WWOX: variants seen among roughly 807,000 people sequenced by gnomAD.
The protein encoded by WWOX is WW domain containing oxidoreductase.
In WWOX, 69 loss-of-function variants were observed where a neutral mutation model predicts 46.2. The observed-to-expected ratio is 1.49, with a 90% CI of 1.23 to 1.82. The LOEUF is 1.82. WWOX is among the 40% of genes most tolerant of loss of function. WWOX has a pLI of 0.00. For missense variants in WWOX, 919 were observed against 542.6 expected (o/e 1.69, Z -6.89); for synonymous variants, 359 against 202.6 (o/e 1.77, Z -6.56).
At chr16:78,443,553 TC>T (rs1219478438) in intron 8 of WWOX, among the ~76,000 whole-genome samples, 1 of 152,228 alleles carries the variant, frequency 6.6e-6, no homozygotes, top group Non-Finnish European at 1.5e-5. Context: ...ATGTATTTTT[TC>T]TGCCTTGCTT....
chr16:78,495,671 G>C (rs2084900248), intron 8 of WWOX, among the ~76,000 whole-genome samples: 1 of 151,620 alleles, frequency 6.6e-6, no homozygotes, highest in Non-Finnish European at 1.5e-5. Flanking sequence ...ACGGCACCTG[G>C]CTAATTTTTG....
intron 5 of WWOX, among the ~76,000 whole-genome samples, chr16:78,367,068 C>G (rs1208951358): frequency 6.7e-6 from 1 of 149,688 alleles, no homozygotes; most frequent in Non-Finnish European, 1.5e-5. Context: ...CAAGCTCTGC[C>G]TCCCAGGTTT....
intron 5 of WWOX, among the ~76,000 whole-genome samples, chr16:78,226,622 C>G (rs1016513304): frequency 1.3e-5 from 2 of 151,506 alleles, no homozygotes; most frequent in African/African-American, 4.9e-5. Context: ...TCTTGTATAG[C>G]TCAGGTCTCA....
At chr16:78,261,790 A>C (rs1364912536) in intron 5 of WWOX, among the ~76,000 whole-genome samples, 2 of 42,182 alleles carry the variant, frequency 4.7e-5, no homozygotes, top group Non-Finnish European at 9.8e-5. Context: ...CTATCTATCT[A>C]TATATATATA....
intron 8 of WWOX, among the ~76,000 whole-genome samples, chr16:78,623,224 C>T (rs765492264): frequency 6.6e-6 from 1 of 152,014 alleles, no homozygotes; most frequent in African/African-American, 2.4e-5. Flanking sequence ...TGGCTTTAAG[C>T]TGTTAAGCTT....
chr16:78,545,707 C>T (rs72803943), intron 8 of WWOX, among the ~76,000 whole-genome samples: 1,672 of 152,274 alleles, frequency 0.011, 18 homozygotes, highest in Non-Finnish European at 0.017. Context: ...GGATATTAAA[C>T]ATTAGAAACT....
intron 5 of WWOX, among the ~76,000 whole-genome samples, chr16:78,386,484 C>A (rs925007553): frequency 1.3e-5 from 2 of 152,100 alleles, no homozygotes; most frequent in East Asian, 3.9e-4. Flanking sequence ...AAGATATTGT[C>A]CATTGCATCT....
chr16:79,016,473 A>C (rs2047415101), intron 8 of WWOX: 1 of 152,100 alleles, frequency 6.6e-6, no homozygotes, highest in Non-Finnish European at 1.5e-5. Context: ...CCTGGGCTAG[A>C]GTGCAGTGGT....
intron 8 of WWOX, among the ~76,000 whole-genome samples, chr16:79,070,268 A>ATGTGTGTGTGTGTGTGTGTGTGTG (rs4035490): frequency 7.6e-5 from 11 of 145,198 alleles, no homozygotes; most frequent in African/African-American, 2.0e-4. Flanking sequence ...TGTGTTTCTG[A>ATGTGTGTGTGTGTGTGTGTGTGTG]TGTGTGTGTG....
chr16:79,068,828 A>G (rs1043476422), intron 8 of WWOX, among the ~76,000 whole-genome samples: 2 of 102,500 alleles, frequency 2.0e-5, no homozygotes, highest in African/African-American at 9.3e-5. Context: ...CCCAATAATA[A>G]TAATAATAAT....
In WWOX at chr16:78,587,853, G is replaced by A. The variant is rs770336745; in HGVS notation, c.1056+155101G>A. 1.7e-3 allele frequency among the ~76,000 whole-genome samples: 259 copies of A among 152,252 alleles called. 2 individuals carry two copies. The highest frequency in any genetic ancestry group is 3.0e-3 in the Non-Finnish European group (207 of 68,012). On this transcript the variant is annotated intron_variant, in intron 8 of 8. Transcript: ENST00000566780. ...TCCCAGTGAATGCCAATTCCTTGCT[G>A]TCAGGAAACATTAAGTTTCCTAAGT...
chr16:78,524,382 G>C (rs973305134), intron 8 of WWOX, among the ~76,000 whole-genome samples: 1 of 146,762 alleles, frequency 6.8e-6, no homozygotes, highest in Non-Finnish European at 1.5e-5. Context: ...GTTGACTAGA[G>C]ATTTCATTTA....
rs57574943 is a variant in WWOX at position 78,558,495 on chromosome 16, G to A, written c.1056+125743G>A. On this transcript the variant is annotated intron_variant, in intron 8 of 8. Coordinates refer to ENST00000566780, the MANE Select transcript of WWOX (RefSeq NM_016373.4). The stretch of plus-strand genomic sequence containing the variant: ...GGCTACAGTTGGCTGGACTTGAGCA[G>A]CGGCTGCCCCTCTTTAGCTGGGGCA... Among the ~76,000 whole-genome samples the A allele has an allele frequency of 5.0e-3, 768 of 152,374 alleles. 4 individuals carry two copies. The highest frequency in any genetic ancestry group is 0.018 in the African/African-American group (732 of 41,598).
At position 78,343,490 on chromosome 16, in the gene WWOX, C is replaced by T. The variant is rs77211566; in HGVS notation, c.517-43370C>T. Among the ~76,000 whole-genome samples, 204 of 120,954 alleles carry T rather than the reference C, an allele frequency of 1.7e-3. 37 individuals are homozygous for T. Among genetic ancestry groups the T allele is most frequent in the African/African-American group, 5.5e-3 (196 of 35,708 alleles). 79.4% of individuals were successfully genotyped at this position (120,954 alleles called of 152,430 possible). The stretch of plus-strand genomic sequence containing the variant: ...CCTTGTTTTCAGATTCCTCGCCTCT[C>T]ATCATGTAAGGTGATGCTCTGAGCT... On this transcript the variant is annotated intron_variant, in intron 5 of 8. Coordinates refer to ENST00000566780, the MANE Select transcript of WWOX (RefSeq NM_016373.4).
intron 5 of WWOX, among the ~76,000 whole-genome samples, chr16:78,252,394 C>T (rs1237954826): frequency 1.3e-5 from 2 of 152,118 alleles, no homozygotes; most frequent in African/African-American, 4.8e-5. Context: ...GCTTGGTAAA[C>T]ATCTTGATTT....
At chr16:79,170,210 T>A (rs1220913621) in intron 8 of WWOX, among the ~76,000 whole-genome samples, 1 of 152,210 alleles carries the variant, frequency 6.6e-6, no homozygotes, top group Non-Finnish European at 1.5e-5. Context: ...CTATGTTCCT[T>A]TTGCACATTT....
At chr16:78,926,569 G>A (rs186674407) in intron 8 of WWOX, among the ~76,000 whole-genome samples, 3 of 152,286 alleles carry the variant, frequency 2.0e-5, no homozygotes, top group Admixed American at 1.3e-4. Context: ...GAAAGCAGAC[G>A]TACACTTCTT....
At chr16:78,476,618 T>C (rs539244298) in intron 8 of WWOX, among the ~76,000 whole-genome samples, 86 of 1,280 alleles carry the variant, frequency 0.067, no homozygotes, top group African/African-American at 0.28. Flanking sequence ...AAAATACATA[T>C]TAAAAAAAAA....
intron 4 of WWOX, among the ~76,000 whole-genome samples, chr16:78,121,749 T>G (rs975255513): frequency 5.9e-5 from 9 of 151,866 alleles, no homozygotes; most frequent in Admixed American, 2.0e-4. Flanking sequence ...GCAACCTTTG[T>G]CTCCCAGGGC....
Sources: allele counts gnomAD v4.1 joint callset (sites outside exome capture counted in the v4.1 genomes callset), GRCh38; gene constraint gnomAD v4.1.1; transcripts MANE v1.5; gene names NCBI Gene and HGNC (gene_info 2026-07-23, HGNC 2026-07-21).